The following WSCD2 variants were observed in gnomAD, a reference collection of about 807,000 sequenced individuals.
The protein encoded by WSCD2 is sialate:O-sulfotransferase 2.
A neutral mutation model predicts 55.7 loss-of-function variants in WSCD2; 28 were observed. That is an observed-to-expected ratio of 0.50 (90% CI 0.37 to 0.69). The LOEUF is 0.69. Among genes scored for constraint, WSCD2 ranks in the 30% least tolerant of loss-of-function variants. The pLI is 0.00. For synonymous variants in WSCD2, 301 were observed against 301.9 expected, an observed-to-expected ratio of 1.00 and a Z score of 0.03; for missense variants, 616 against 762.1, an observed-to-expected ratio of 0.81 and a Z score of 2.26.
intron 1 of WSCD2, among the ~76,000 whole-genome samples, chr12:108,152,013 C>T (rs531964587): frequency 1.2e-4 from 18 of 152,302 alleles, no homozygotes; most frequent in East Asian, 3.9e-4. Flanking sequence ...AGGGCGGCGT[C>T]GCTGCTCTCC....
At chr12:108,183,368 T>G (rs1463680176) in intron 1 of WSCD2, among the ~76,000 whole-genome samples, 1 of 152,148 alleles carries the variant, frequency 6.6e-6, no homozygotes, top group Non-Finnish European at 1.5e-5. Context: ...TATGGCCTGA[T>G]AGGGCTGGTT....
At chr12:108,199,616 AC>A (rs1884402981) in intron 2 of WSCD2, among the ~76,000 whole-genome samples, 1 of 152,254 alleles carries the variant, frequency 6.6e-6, no homozygotes, top group African/African-American at 2.4e-5. Context: ...TGTGATGATT[AC>A]ATAAGGTCAA....
intron 6 of WSCD2, among the ~76,000 whole-genome samples, chr12:108,228,006 C>T (rs910827283): frequency 1.3e-5 from 2 of 151,504 alleles, no homozygotes; most frequent in African/African-American, 4.9e-5. Context: ...ATTAAATCCC[C>T]TCAACTCTCT....
intron 1 of WSCD2, among the ~76,000 whole-genome samples, chr12:108,149,578 G>T (rs574354792): frequency 6.6e-6 from 1 of 150,412 alleles, no homozygotes; most frequent in East Asian, 1.9e-4. Flanking sequence ...CAGTGCTCAG[G>T]CAGGGGGATG....
intron 4 of WSCD2, among the ~76,000 whole-genome samples, chr12:108,220,606 T>C (rs1887391647): frequency 2.6e-5 from 4 of 152,234 alleles, no homozygotes; most frequent in Admixed American, 2.6e-4. Flanking sequence ...CATGGCTCAT[T>C]GCAGCCTCGA....
At chr12:108,160,920 C>T (rs543294515) in intron 1 of WSCD2, among the ~76,000 whole-genome samples, 1 of 152,348 alleles carries the variant, frequency 6.6e-6, no homozygotes, top group South Asian at 2.1e-4. Flanking sequence ...GTCCCACCAC[C>T]TTCCTGAGCT....
At chr12:108,207,289 C>T (rs1052017740) in intron 3 of WSCD2, among the ~76,000 whole-genome samples, 4 of 152,188 alleles carry the variant, frequency 2.6e-5, no homozygotes, top group Non-Finnish European at 5.9e-5. Context: ...GTCACAAGCT[C>T]TGCCAACCTC....
chr12:108,225,227 A>G (rs940264746), intron 5 of WSCD2, among the ~76,000 whole-genome samples: 2 of 152,250 alleles, frequency 1.3e-5, no homozygotes, highest in Admixed American at 1.3e-4. Context: ...CCTCTCAATC[A>G]TGGTGGAAGG....
At chr12:108,130,073 G>A (rs1305927179) in intron 1 of WSCD2, 147 bp downstream of exon 1, 1 of 152,322 alleles carries the variant, frequency 6.6e-6, no homozygotes, top group Non-Finnish European at 1.5e-5. Flanking sequence ...CCAGAGCCCG[G>A]CGAGTGAGGA....
chr12:108,249,637 T>C lies in WSCD2; in HGVS notation c.*1294T>C, dbSNP rs1890318867. The C allele has an allele frequency of 6.6e-6, 1 of 152,666 alleles. No homozygotes were observed. The highest frequency in any genetic ancestry group is 1.5e-5 in the Non-Finnish European group (1 of 68,044). 9.5% of individuals were successfully genotyped at this position (152,666 alleles called of 1,614,324 possible). On this transcript the variant is annotated 3_prime_UTR_variant, in exon 9 of 9. Transcript: ENST00000547525. The stretch of plus-strand genomic sequence containing the variant: ...AGGTCATAGCCTCTTTGCTATTCTA[T>C]TGGAGTAGCCTCCCTAGGCAGTCCC...
intron 4 of WSCD2, among the ~76,000 whole-genome samples, chr12:108,220,033 G>T (rs2137141914): frequency 6.6e-6 from 1 of 152,302 alleles, no homozygotes; most frequent in East Asian, 1.9e-4. Flanking sequence ...CGAAGGGTGG[G>T]AGAGAGAAAA....
intron 4 of WSCD2, among the ~76,000 whole-genome samples, chr12:108,211,227 G>C (rs1232010279): frequency 6.6e-6 from 1 of 152,182 alleles, no homozygotes; most frequent in African/African-American, 2.4e-5. Context: ...GATAAAAGAT[G>C]GGGGGTGCTG....
chr12:108,176,590 A>T (rs531012640), intron 1 of WSCD2, among the ~76,000 whole-genome samples: 4 of 152,370 alleles, frequency 2.6e-5, no homozygotes, highest in Non-Finnish European at 5.9e-5. Flanking sequence ...GGCAATTACA[A>T]ATAAAGTTGC....
Position 108,248,409 on chromosome 12 carries a change from C to T in WSCD2, c.*66C>T. The T allele has an allele frequency of 2.0e-6, 3 of 1,535,662 alleles. No homozygotes were observed. The highest frequency in any genetic ancestry group is 2.6e-6 in the Non-Finnish European group (3 of 1,139,876). ...ACGCAGGCCCTGGGGACTCAAGACC[C>T]CTGGTTACCCCCACTCATCTGTCCT... On this transcript the variant is annotated 3_prime_UTR_variant, in exon 9 of 9. Coordinates refer to ENST00000547525, the MANE Select transcript of WSCD2 (RefSeq NM_014653.4). This position sits in a 1 kb window ranked among gnomAD's most constrained non-coding sequence, Gnocchi z 4.3.
chr12:108,206,005 G>A lies in WSCD2; in HGVS notation c.383-284G>A, dbSNP rs556739585. On this transcript the variant is annotated intron_variant, in intron 2 of 8. Transcript: ENST00000547525. ...AAGCTCTGTTTGGTGCTTAGGGAGT[G>A]GCCTTGGCTTGGGTTCCTGGATGCC... is the stretch of plus-strand genomic sequence containing the variant. Among the ~76,000 whole-genome samples, 5 of 152,292 alleles carry A rather than the reference G, an allele frequency of 3.3e-5. No individual in the cohort carries two copies. The East Asian group carries it at 5.8e-4, about 18-fold the overall frequency.
chr12:108,215,566 T>C (rs1886726798), intron 4 of WSCD2, among the ~76,000 whole-genome samples: 1 of 152,224 alleles, frequency 6.6e-6, no homozygotes, highest in South Asian at 2.1e-4. Flanking sequence ...TAAAAATAGC[T>C]GGCTTGAATT....
intron 4 of WSCD2, among the ~76,000 whole-genome samples, chr12:108,212,507 C>T (rs552646788): frequency 5.9e-5 from 9 of 152,094 alleles, no homozygotes; most frequent in African/African-American, 2.2e-4. Context: ...CCTCTCTCCC[C>T]TCTCTCCTTC....
chr12:108,148,894 G>A (rs1377382935), intron 1 of WSCD2, among the ~76,000 whole-genome samples: 2 of 152,124 alleles, frequency 1.3e-5, no homozygotes, highest in African/African-American at 2.4e-5. Context: ...GGAGTGAGTT[G>A]CCCACAGTCA....
At chr12:108,204,242 C>A (rs1370716042) in intron 2 of WSCD2, among the ~76,000 whole-genome samples, 1 of 152,182 alleles carries the variant, frequency 6.6e-6, no homozygotes, top group East Asian at 1.9e-4. Context: ...CTCTCTCACA[C>A]ACACACAGAC....
Sources: gnomAD v4.1 joint callset for allele counts (sites outside exome capture counted in the v4.1 genomes callset) on GRCh38, gnomAD v4.1.1 for gene constraint, Gnocchi (gnomAD v3.1) non-coding constraint, MANE v1.5 for transcripts, NCBI Gene and HGNC (gene_info 2026-07-23, HGNC 2026-07-21) for gene names.